Variants in COL4A6 observed in about 807,000 individuals in gnomAD.
The protein encoded by COL4A6 is collagen alpha-6(IV) chain.
A neutral mutation model predicts 126.7 loss-of-function variants in COL4A6; 59 were observed. The ratio of observed to expected loss-of-function variants is 0.47; its 90% CI spans 0.38 to 0.58. COL4A6 has a LOEUF of 0.58. Among genes scored for constraint, COL4A6 ranks in the 20% least tolerant of loss-of-function variants. The pLI is 0.00. For synonymous variants in COL4A6, 547 were observed against 496.6 expected, an observed-to-expected ratio of 1.10 and a Z score of -1.35; for missense variants, 1,285 against 1,337.3, an observed-to-expected ratio of 0.96 and a Z score of 0.61.
intron 2 of COL4A6, among the ~76,000 whole-genome samples, chrX:108,402,850 C>T (rs1199632599): frequency 2.7e-5 from 3 of 110,808 alleles, no homozygotes; most frequent in Non-Finnish European, 3.8e-5. Flanking sequence ...TGCTTTAGGG[C>T]CGAATACATG....
intron 23 of COL4A6, 59 bp from the exon 24 acceptor site, chrX:108,181,027 AGT>A: frequency 3.0e-6 from 3 of 987,046 alleles, no homozygotes; most frequent in Non-Finnish European, 4.3e-6. Context: ...ATTTCTCCCT[AGT>A]ACGCTCCTTT....
chrX:108,389,098 C>T (rs1049751558), intron 2 of COL4A6, among the ~76,000 whole-genome samples: 2 of 111,595 alleles, frequency 1.8e-5, no homozygotes, highest in Admixed American at 9.6e-5. Flanking sequence ...TTATGATTTC[C>T]GTTCTCTTGC....
chrX:108,377,083 G>A (rs916510162), intron 2 of COL4A6, among the ~76,000 whole-genome samples: 7 of 112,679 alleles, frequency 6.2e-5, no homozygotes, highest in African/African-American at 2.3e-4. Flanking sequence ...AGGGGGATGT[G>A]GCAAGACAAT....
chrX:108,382,513 C>T (rs917266610), intron 2 of COL4A6, among the ~76,000 whole-genome samples: 3 of 111,276 alleles, frequency 2.7e-5, no homozygotes, highest in Non-Finnish European at 3.8e-5. Context: ...TCAGATTATT[C>T]CACACCTCCA....
At chrX:108,200,239 T>G in intron 13 of COL4A6, among the ~76,000 whole-genome samples, 1 of 112,878 alleles carries the variant, frequency 8.9e-6, no homozygotes, top group Non-Finnish European at 1.9e-5. Context: ...ATTTAAATGA[T>G]ATATTTTACT....
At position 108,180,236 on chromosome X, in the gene COL4A6, C is replaced by G. The variant is rs140168376; in HGVS notation, c.2131+279G>C. On this transcript the variant is annotated intron_variant, in intron 25 of 44. Coordinates refer to ENST00000334504, the MANE Select transcript of COL4A6 (RefSeq NM_033641.4). ...TCACTAGTGGTTTAGTGATCTCGGA[C>G]AAGTCATTTCCCATCTGGGCCTCAG... 7.9e-4 allele frequency among the ~76,000 whole-genome samples: 88 copies of G among 111,658 alleles called. 1 individual carries two copies. The highest frequency in any genetic ancestry group is 2.7e-3 in the African/African-American group (82 of 30,689).
chrX:108,379,962 T>C (rs947799341), intron 2 of COL4A6, among the ~76,000 whole-genome samples: 5 of 111,254 alleles, frequency 4.5e-5, no homozygotes, highest in Non-Finnish European at 9.4e-5. Context: ...CTGGACCTGG[T>C]GGTCTGTCCT....
At chrX:108,219,282 G>A (rs1022472885) in intron 5 of COL4A6, among the ~76,000 whole-genome samples, 1 of 111,990 alleles carries the variant, frequency 8.9e-6, no homozygotes, top group Non-Finnish European at 1.9e-5. Flanking sequence ...ATTACAAAAT[G>A]GAATGTATCA....
intron 2 of COL4A6, among the ~76,000 whole-genome samples, chrX:108,433,614 T>G (rs141332564): frequency 0.016 from 1,762 of 110,083 alleles, 29 homozygotes; most frequent in Middle Eastern, 0.11. Flanking sequence ...AACCTCCAAC[T>G]CCTGGGCTCA....
intron 42 of COL4A6, 29 bp downstream of exon 42, chrX:108,161,590 G>GCC: frequency 4.0e-6 from 1 of 247,024 alleles, no homozygotes; most frequent in Admixed American, 6.2e-5. Context: ...TCCCCGCCCC[G>GCC]CCCGCCTCCT....
intron 31 of COL4A6, 135 bp from the exon 32 acceptor site, chrX:108,172,667 TG>T (rs1248854291): frequency 4.5e-6 from 2 of 447,346 alleles, no homozygotes; most frequent in Non-Finnish European, 7.3e-6. Context: ...GACTGTGGGC[TG>T]GAAGTGGGGA....
intron 22 of COL4A6, 89 bp from the exon 23 acceptor site, chrX:108,187,368 G>T: frequency 1.3e-6 from 1 of 751,692 alleles, no homozygotes; most frequent in South Asian, 4.6e-5. Flanking sequence ...TAGCCAGTGT[G>T]ACCAATGCTT....
chrX:108,339,362 C>T, intron 2 of COL4A6, among the ~76,000 whole-genome samples: 1 of 111,808 alleles, frequency 8.9e-6, no homozygotes, highest in African/African-American at 3.2e-5. Context: ...GGCTGACCTT[C>T]GCCCTTTTCA....
intron 40 of COL4A6, among the ~76,000 whole-genome samples, chrX:108,164,101 A>G (rs183312513): frequency 9.0e-6 from 1 of 111,629 alleles, no homozygotes; most frequent in African/African-American, 3.3e-5. Context: ...TGGAAAAGTG[A>G]CCACTAGGGT....
intron 3 of COL4A6, among the ~76,000 whole-genome samples, chrX:108,253,261 A>G (rs2036903088): frequency 8.9e-6 from 1 of 111,946 alleles, no homozygotes; most frequent in Admixed American, 9.5e-5. Flanking sequence ...TAGAGACTCC[A>G]CTATGAAACT....
At chrX:108,229,197 G>T (rs746195835) in intron 3 of COL4A6, among the ~76,000 whole-genome samples, 3 of 112,079 alleles carry the variant, frequency 2.7e-5, no homozygotes, top group East Asian at 5.6e-4. Flanking sequence ...TTGGCTTCCA[G>T]TTTGGTTCAG....
chrX:108,316,944 G>GC (rs751460557), intron 2 of COL4A6, among the ~76,000 whole-genome samples: 78 of 111,944 alleles, frequency 7.0e-4, no homozygotes, highest in Middle Eastern at 4.6e-3. Context: ...TAAGAGCTTT[G>GC]CCCCTGGAAA....
At chrX:108,406,544 C>CA (rs201404705) in intron 2 of COL4A6, among the ~76,000 whole-genome samples, 13,259 of 111,930 alleles carry the variant, frequency 0.12, 872 homozygotes, top group Non-Finnish European at 0.18. Flanking sequence ...CCTGGCACTT[C>CA]ATGCCTCTCT....
intron 3 of COL4A6, among the ~76,000 whole-genome samples, chrX:108,225,423 G>A (rs920936945): frequency 8.9e-6 from 1 of 112,767 alleles, no homozygotes; most frequent in Non-Finnish European, 1.9e-5. Context: ...CCCAGACAGG[G>A]CAGAAGGAAC....
Sources: gnomAD v4.1 joint callset for allele counts (sites outside exome capture counted in the v4.1 genomes callset) on GRCh38, gnomAD v4.1.1 for gene constraint, MANE v1.5 for transcripts, NCBI Gene and HGNC (gene_info 2026-07-23, HGNC 2026-07-21) for gene names.